Variants in SLC16A14 observed in about 807,000 individuals in gnomAD.
The protein encoded by SLC16A14 is monocarboxylate transporter 14.
Under a neutral mutation model 35.8 loss-of-function variants are expected in SLC16A14, and 14 were observed. The observed-to-expected ratio is 0.39, with a 90% CI of 0.26 to 0.61. The LOEUF (loss-of-function observed/expected upper bound fraction) is 0.61. Ranked by LOEUF, SLC16A14 falls within the 20% of genes least tolerant of loss-of-function variation. The pLI, the probability that SLC16A14 is intolerant of heterozygous loss-of-function variation, is 0.51. For synonymous variants in SLC16A14, 248 were observed against 258.9 expected (o/e 0.96, Z 0.40); for missense variants, 533 against 655.0 (o/e 0.81, Z 2.03).
At position 230,046,290 on chromosome 2, in the gene SLC16A14, G is replaced by C; in HGVS notation, c.836C>G (p.Ala279Gly). The C allele has an allele frequency of 6.2e-7, 1 of 1,614,172 alleles. No individual in the cohort carries two copies. The highest frequency in any genetic ancestry group is 8.5e-7 in the Non-Finnish European group (1 of 1,180,028). Residue 279 changes from alanine to glycine, a missense_variant, in exon 4 of 5, where the codon GCC (alanine) becomes GGC (glycine). Transcript: ENST00000295190. The surrounding 1 kb of genome is among the most constrained non-coding windows in gnomAD (Gnocchi z 5.0). ...DQAGHRKNMCALRILKTVSWL... is the reference protein window; with the variant it reads ...DQAGHRKNMCGLRILKTVSWL... ...GCTGACAGTCTTCAGAATCCGGAGG[G>C]CACACATGTTCTTCCTGTGCCCGGC...
intron 2 of SLC16A14, among the ~76,000 whole-genome samples, chr2:230,053,252 AC>A (rs2077677078): frequency 6.6e-6 from 1 of 152,054 alleles, no homozygotes; most frequent in Non-Finnish European, 1.5e-5. Flanking sequence ...TTCATTTTCT[AC>A]CCACTGTTTA....
chr2:230,059,807 C>A (rs566306913), intron 1 of SLC16A14, among the ~76,000 whole-genome samples: 14 of 152,300 alleles, frequency 9.2e-5, no homozygotes, highest in African/African-American at 3.4e-4. Context: ...GTAGCTTCAC[C>A]TTGGTGGGGT....
chr2:230,047,203 G>A (rs573223451), intron 3 of SLC16A14, among the ~76,000 whole-genome samples: 1 of 152,098 alleles, frequency 6.6e-6, no homozygotes, highest in Non-Finnish European at 1.5e-5. Context: ...AGCAAAAGGA[G>A]TGTTTATTTC....
rs150895910 is a variant in SLC16A14, at chr2:230,042,135, C to G, written c.1381+3610G>C. Reference sequence around the variant, plus strand: ...AATGTTGATTTTGGGGTTTCCATAGCAGCATATGATACGCATCATTGAAGG... The same window carrying G: ...AATGTTGATTTTGGGGTTTCCATAGGAGCATATGATACGCATCATTGAAGG... On this transcript the variant is annotated intron_variant, in intron 4 of 4. Coordinates refer to ENST00000295190, the MANE Select transcript of SLC16A14 (RefSeq NM_152527.5). Among the ~76,000 whole-genome samples the G allele has an allele frequency of 3.1e-3, 469 of 152,326 alleles. 5 individuals are homozygous for G. The highest frequency in any genetic ancestry group is 0.02 in the Middle Eastern group (6 of 294).
intron 1 of SLC16A14, among the ~76,000 whole-genome samples, chr2:230,064,674 T>C (rs2106282170): frequency 6.6e-6 from 1 of 152,346 alleles, no homozygotes; most frequent in South Asian, 2.1e-4. Context: ...CTGAAGTTCA[T>C]TTACAACCAA....
chr2:230,057,567 G>A (rs1206083475), intron 2 of SLC16A14, among the ~76,000 whole-genome samples: 1 of 151,878 alleles, frequency 6.6e-6, no homozygotes, highest in Non-Finnish European at 1.5e-5. Flanking sequence ...CCAGGAGTTC[G>A]AGACCAGCCT....
At chr2:230,066,878 C>A in intron 1 of SLC16A14, 1 of 235,978 alleles carries the variant, frequency 4.2e-6, no homozygotes, top group Non-Finnish European at 8.6e-6. Context: ...CCACCCGCCT[C>A]GGCCTCCCAA....
At chr2:230,049,704 T>C in intron 3 of SLC16A14, 57 bp downstream of exon 3, 1 of 1,577,188 alleles carries the variant, frequency 6.3e-7, no homozygotes, top group Non-Finnish European at 8.7e-7. Context: ...TTAAATCCAC[T>C]GCCAAGATGT....
chr2:230,045,670 CTTT>C (rs1445823556), intron 4 of SLC16A14, 72 bp downstream of exon 4: 2 of 1,518,290 alleles, frequency 1.3e-6, no homozygotes, highest in Admixed American at 1.9e-5. Flanking sequence ...AAACCTTCTT[CTTT>C]ATCTGGGACT....
At chr2:230,063,081 A>T (rs1439144823) in intron 1 of SLC16A14, among the ~76,000 whole-genome samples, 2 of 151,918 alleles carry the variant, frequency 1.3e-5, no homozygotes, top group African/African-American at 4.8e-5. Context: ...TGAGGTCAGG[A>T]GCTCGAGACC....
chr2:230,045,024 C>T lies in SLC16A14; in HGVS notation c.1381+721G>A, dbSNP rs2077592363. Among the ~76,000 whole-genome samples, 3 of 152,144 alleles carry T rather than the reference C, an allele frequency of 2.0e-5. No homozygotes were observed. The South Asian group carries it at 6.2e-4, about 32-fold the overall frequency. ...TTGGAAATCTGTTAGTGCTACCTAA[C>T]AGTACAGATTCTTAGCTTCCCTTGG... On this transcript the variant is annotated intron_variant, in intron 4 of 4. Transcript: ENST00000295190.
At position 230,046,015 on chromosome 2, in the gene SLC16A14, C is replaced by T. The variant is rs1209501118; in HGVS notation, c.1111G>A (p.Gly371Ser). Residue 371 changes from glycine (G) to serine (S), a missense_variant, in exon 4 of 5, where the codon GGC becomes AGC. Gly to Ser is a moderately conservative substitution (Grantham distance 56, BLOSUM62 0). Coordinates refer to ENST00000295190, the MANE Select transcript of SLC16A14 (RefSeq NM_152527.5). This position sits in a 1 kb window ranked among gnomAD's most constrained non-coding sequence, Gnocchi z 5.0. ...ATGCAAGGCAAGTCGGCTATGACGC[C>T]CAGGATCACTTTTCCAAAGATGTGA... is the stretch of plus-strand genomic sequence containing the variant. ...IVHIFGKVIL[G>S]VIADLPCISV... The T allele has an allele frequency of 1.2e-6, 2 of 1,613,920 alleles. No individual in the cohort carries two copies. Among genetic ancestry groups the T allele is most frequent in the East Asian group, 2.2e-5 (1 of 44,878 alleles).
At chr2:230,062,701 C>T (rs1416406976) in intron 1 of SLC16A14, among the ~76,000 whole-genome samples, 2 of 152,114 alleles carry the variant, frequency 1.3e-5, no homozygotes, top group South Asian at 2.1e-4. Context: ...CTAGAGCATT[C>T]GTTCTGGCTA....
intron 4 of SLC16A14, among the ~76,000 whole-genome samples, chr2:230,042,263 C>T (rs2106244775): frequency 6.6e-6 from 1 of 152,274 alleles, no homozygotes; most frequent in Admixed American, 6.5e-5. Context: ...AGAGATAAGA[C>T]CTGATGACTG....
At chr2:230,050,093 C>T (rs1308444711) in intron 2 of SLC16A14, among the ~76,000 whole-genome samples, 189 bp from the exon 3 acceptor site, 1 of 152,182 alleles carries the variant, frequency 6.6e-6, no homozygotes, top group East Asian at 1.9e-4. Flanking sequence ...CATCAGAGAG[C>T]ACAAGGTTCT....
At position 230,066,638 on chromosome 2, in the gene SLC16A14, A is replaced by ATTTT. The variant is rs10626276; in HGVS notation, c.-15+1913_-15+1916dup. ...GCGTAGAAAGTTTTACAAGCAAGTC[A>ATTTT]TTTTTTTTTTTTTTTTGACAGAGTA... On this transcript the variant is annotated intron_variant, in intron 1 of 4. Transcript: ENST00000295190. 2.6e-3 allele frequency: 963 copies of ATTTT among 377,150 alleles called. 18 individuals are homozygous for ATTTT. The highest frequency in any genetic ancestry group is 3.9e-3 in the African/African-American group (170 of 43,914). 23.4% of individuals were successfully genotyped at this position (377,150 alleles called of 1,614,324 possible).
At chr2:230,042,107 C>A (rs1385975421) in intron 4 of SLC16A14, among the ~76,000 whole-genome samples, 1 of 152,206 alleles carries the variant, frequency 6.6e-6, no homozygotes, top group African/African-American at 2.4e-5. Flanking sequence ...ACAGGCACAT[C>A]TGAATGTTGA....
chr2:230,041,520 G>A (rs1398467198), intron 4 of SLC16A14, among the ~76,000 whole-genome samples: 1 of 151,936 alleles, frequency 6.6e-6, no homozygotes, highest in African/African-American at 2.4e-5. Flanking sequence ...TTATAGAGAT[G>A]AGGTTTCACC....
intron 1 of SLC16A14, chr2:230,066,638 A>ATTTTTT (rs10626276): frequency 1.2e-4 from 47 of 378,070 alleles, no homozygotes; most frequent in African/African-American, 5.7e-4. Context: ...CAAGCAAGTC[A>ATTTTTT]TTTTTTTTTT....
Sources: allele counts gnomAD v4.1 joint callset (sites outside exome capture counted in the v4.1 genomes callset), GRCh38; gene constraint gnomAD v4.1.1; non-coding constraint Gnocchi (gnomAD v3.1); transcripts MANE v1.5; gene names NCBI Gene and HGNC (gene_info 2026-07-23, HGNC 2026-07-21).